The following AFG2A variants were observed in gnomAD, a reference collection of about 807,000 sequenced individuals.
AFG2A encodes the protein AAA ATPase AFG2A, also known as ATPase family gene 2 protein homolog A.
At chr4:123,132,663 C>T in the AFG2A span, among the ~76,000 whole-genome samples, 7,586 of 146,086 alleles carry the variant, frequency 0.052, 609 homozygotes, top group African/African-American at 0.17. Context: ...TTTCTTTATT[C>T]ATTCTCTGTC....
chr4:123,223,915 T>C, the AFG2A span, among the ~76,000 whole-genome samples: 3 of 152,246 alleles, frequency 2.0e-5, no homozygotes, highest in African/African-American at 7.2e-5. Flanking sequence ...AGAAACTTTT[T>C]AGTTTGATAC....
chr4:123,220,468 G>A, the AFG2A span, among the ~76,000 whole-genome samples: 4 of 151,756 alleles, frequency 2.6e-5, no homozygotes, highest in African/African-American at 9.7e-5. Flanking sequence ...AAAAAAATTA[G>A]CTGGGTGTGG....
the AFG2A span, among the ~76,000 whole-genome samples, chr4:122,972,407 A>C: frequency 2.0e-5 from 3 of 150,938 alleles, no homozygotes; most frequent in Non-Finnish European, 4.4e-5. Context: ...CAGACAACCA[A>C]CCTTTGGCTT....
At chr4:122,959,648 A>G in the AFG2A span, among the ~76,000 whole-genome samples, 1 of 152,220 alleles carries the variant, frequency 6.6e-6, no homozygotes, top group Non-Finnish European at 1.5e-5. Flanking sequence ...ATAGTGAGCT[A>G]TGCTTCCTGA....
At chr4:122,961,960 G>A in the AFG2A span, among the ~76,000 whole-genome samples, 3,018 of 152,290 alleles carry the variant, frequency 0.02, 96 homozygotes, top group African/African-American at 0.068. Flanking sequence ...ACCAGGGACC[G>A]GTTTTGTGGA....
the AFG2A span, among the ~76,000 whole-genome samples, chr4:123,123,413 A>G: frequency 6.6e-6 from 1 of 152,210 alleles, no homozygotes; most frequent in Non-Finnish European, 1.5e-5. Flanking sequence ...TACCACTTTA[A>G]TTATTTTACA....
chr4:123,064,852 T>C, the AFG2A span, among the ~76,000 whole-genome samples: 5 of 152,194 alleles, frequency 3.3e-5, no homozygotes, highest in Admixed American at 6.5e-5. Flanking sequence ...GAGAGGCTCA[T>C]CTTTTTTACT....
chr4:122,945,478 G>A, the AFG2A span, among the ~76,000 whole-genome samples: 3 of 152,228 alleles, frequency 2.0e-5, no homozygotes, highest in East Asian at 1.9e-4. Context: ...CTGGTGCACC[G>A]TTTCCTAAGC....
chr4:123,206,903 T>C, the AFG2A span, among the ~76,000 whole-genome samples: 1 of 152,190 alleles, frequency 6.6e-6, no homozygotes, highest in Non-Finnish European at 1.5e-5. Flanking sequence ...AGAAGTTTGC[T>C]AGAGCTTTCT....
the AFG2A span, among the ~76,000 whole-genome samples, chr4:123,270,342 T>C: frequency 2.0e-5 from 3 of 152,142 alleles, no homozygotes; most frequent in African/African-American, 7.2e-5. Flanking sequence ...GTCTGAAAAA[T>C]GATTTATCAT....
At chr4:123,171,842 A>G in the AFG2A span, among the ~76,000 whole-genome samples, 85,440 of 151,818 alleles carry the variant, frequency 0.56, 26,990 homozygotes, top group Non-Finnish European at 0.7. Context: ...ATATATATAG[A>G]ATTCCTTGAC....
chr4:122,991,867 C>A, the AFG2A span, among the ~76,000 whole-genome samples: 1 of 152,054 alleles, frequency 6.6e-6, no homozygotes, highest in Non-Finnish European at 1.5e-5. Flanking sequence ...CTAGTAGAAA[C>A]TTTCTCTAGA....
At chr4:123,122,556 A>G in the AFG2A span, among the ~76,000 whole-genome samples, 1 of 152,228 alleles carries the variant, frequency 6.6e-6, no homozygotes, top group Non-Finnish European at 1.5e-5. Context: ...TCACACTATC[A>G]TAAAGCTGAA....
the AFG2A span, among the ~76,000 whole-genome samples, chr4:122,997,746 A>C: frequency 1.3e-5 from 2 of 152,184 alleles, no homozygotes; most frequent in African/African-American, 4.8e-5. Context: ...GTACCATTTT[A>C]CATTCTTACC....
At chr4:123,067,718 T>C in the AFG2A span, among the ~76,000 whole-genome samples, 3 of 152,236 alleles carry the variant, frequency 2.0e-5, no homozygotes, top group African/African-American at 7.2e-5. Context: ...TGAAAATTTT[T>C]AGTACTGGAA....
chr4:123,020,224 C>G, the AFG2A span, among the ~76,000 whole-genome samples: 1 of 151,804 alleles, frequency 6.6e-6, no homozygotes, highest in Non-Finnish European at 1.5e-5. Flanking sequence ...GACACACACA[C>G]GAGTATGTCA....
the AFG2A span, among the ~76,000 whole-genome samples, chr4:123,103,542 TGTA>T: frequency 6.6e-6 from 1 of 152,264 alleles, no homozygotes; most frequent in African/African-American, 2.4e-5. Context: ...CATCAGCCAG[TGTA>T]GTAGCTTTAT....
At chr4:123,271,839 T>A in the AFG2A span, among the ~76,000 whole-genome samples, 1 of 146,572 alleles carries the variant, frequency 6.8e-6, no homozygotes, top group South Asian at 2.2e-4. Context: ...ACAGTTAAAA[T>A]TTTCCCCTGA....
the AFG2A span, among the ~76,000 whole-genome samples, chr4:123,047,717 T>C: frequency 5.4e-5 from 8 of 148,626 alleles, no homozygotes; most frequent in African/African-American, 2.0e-4. Flanking sequence ...TTTTTTTTCC[T>C]TTTGAGACAG....
Sources: gnomAD v4.1 joint callset for allele counts (sites outside exome capture counted in the v4.1 genomes callset) on GRCh38, gnomAD v4.1.1 for gene constraint, MANE v1.5 for transcripts, NCBI Gene and HGNC (gene_info 2026-07-23, HGNC 2026-07-21) for gene names.